Variants in FAM186A observed in about 807,000 individuals in gnomAD.
FAM186A encodes the protein protein FAM186A.
In FAM186A, 163 loss-of-function variants were observed where a neutral mutation model predicts 216.8. The observed-to-expected ratio is 0.75, with a 90% CI of 0.66 to 0.86. The LOEUF (loss-of-function observed/expected upper bound fraction) is 0.86. FAM186A is among the 40% of genes least tolerant of loss of function. The pLI is 0.00. For missense variants in FAM186A, 2,184 were observed against 2,746.2 expected, an observed-to-expected ratio of 0.80 and a Z score of 4.58; for synonymous variants, 805 against 1,025.3, an observed-to-expected ratio of 0.79 and a Z score of 4.10.
intron 4 of FAM186A, among the ~76,000 whole-genome samples, chr12:50,349,304 T>A (rs1942852191): frequency 6.6e-6 from 1 of 150,420 alleles, no homozygotes; most frequent in Non-Finnish European, 1.5e-5. Context: ...CTCAACCTCC[T>A]GGGGCTTGAG....
At position 50,354,485 on chromosome 12, in the gene FAM186A, T is replaced by G; in HGVS notation, c.2347A>C (p.Ser783Arg). Residue 783 changes from serine (S) to arginine (R), a missense_variant, in exon 4 of 8, where the codon AGC becomes CGC. Physicochemically the swap from Ser to Arg is moderately radical, Grantham distance 110 (BLOSUM62 -1). Around this residue, in one of 7 missense-constraint regions of FAM186A, gnomAD observed 1,132 missense variants for 1,263.4 expected, o/e 0.90. Coordinates refer to ENST00000327337, the MANE Select transcript of FAM186A (RefSeq NM_001145475.3). ...SESSTLLSYE[S>R]TDPVINNLIQ... The stretch of plus-strand genomic sequence containing the variant: ...AAATTGTTAATTACTGGATCTGTGC[T>G]CTCATATGAGAGGAGGGTACTGCTT... 6.4e-7 allele frequency: 1 copy of G among 1,551,670 alleles called. No individual in the cohort carries two copies. The highest frequency in any genetic ancestry group is 1.4e-5 in the African/African-American group (1 of 73,170).
intron 1 of FAM186A, among the ~76,000 whole-genome samples, chr12:50,368,899 T>C (rs1943115087): frequency 6.6e-6 from 1 of 151,398 alleles, no homozygotes; most frequent in African/African-American, 2.4e-5. Context: ...AGTATATTCA[T>C]AGCATAAGGT....
rs944154722 is a variant in FAM186A, at chr12:50,331,532, G to A, written c.6848+138C>T. On this transcript the variant is annotated intron_variant, in intron 6 of 7. Transcript: ENST00000327337. ...GCTGGGATTACAGGCATGAGCCACC[G>A]CGCCCAGCCTAATACTCCTTTAGAC... 16 of 788,976 alleles carry A rather than the reference G, an allele frequency of 2.0e-5. No homozygotes were observed. In the African/African-American group the frequency reaches 2.2e-4, roughly 11 times the overall value. The allele number at this position is 788,976 out of a possible 1,614,324, so 48.9% of individuals were successfully genotyped here. A position where few individuals can be genotyped will look rare whatever the true frequency, so the allele number is the denominator to read the frequency against.
intron 1 of FAM186A, among the ~76,000 whole-genome samples, chr12:50,389,336 A>G (rs930593775): frequency 2.6e-5 from 4 of 152,130 alleles, no homozygotes; most frequent in Non-Finnish European, 5.9e-5. Flanking sequence ...CCCCGTCTCT[A>G]CTAAAAATAC....
Position 50,367,595 on chromosome 12 carries a change from G to A in FAM186A, c.193-4231C>T, listed in dbSNP as rs184457749. Among the ~76,000 whole-genome samples the A allele has an allele frequency of 1.9e-3, 282 of 151,272 alleles. 1 individual carries two copies. Among genetic ancestry groups the A allele is most frequent in the African/African-American group, 6.4e-3 (265 of 41,238 alleles). ...AAAAGTAAAATTATCTCTGTTCATA[G>A]ATAACATGATCTTAAATTGTAGAAA... On this transcript the variant is annotated intron_variant, in intron 1 of 7. Transcript: ENST00000327337.
At chr12:50,373,267 C>T (rs1272302566) in intron 1 of FAM186A, among the ~76,000 whole-genome samples, 2 of 151,876 alleles carry the variant, frequency 1.3e-5, no homozygotes, top group South Asian at 2.1e-4. Flanking sequence ...TGTGGTGGCA[C>T]GCACCTGTAG....
rs1268314872 is a variant in FAM186A, at chr12:50,346,948, CA to C, written c.6503+3380del. Among the ~76,000 whole-genome samples, 10 of 137,168 alleles carry C rather than the reference CA, an allele frequency of 7.3e-5. No individual in the cohort carries two copies. The South Asian group carries it at 2.3e-3, about 32-fold the overall frequency. 90.0% of individuals were successfully genotyped at this position (137,168 alleles called of 152,430 possible). On this transcript the variant is annotated intron_variant, in intron 4 of 7. Transcript: ENST00000327337. ...CACACACACACACAAACCCGAACAA[CA>C]AAAAAAAGATGTATAATTGGCTTGG...
In FAM186A at chr12:50,330,380, C is replaced by T. The variant is rs949310229; in HGVS notation, c.7034+193G>A. Reference sequence around the variant, plus strand: ...ATTATTCAGTGGTGACATCTATAGGCCTATGATTAGAAACACTAACAGACT... The same window carrying T: ...ATTATTCAGTGGTGACATCTATAGGTCTATGATTAGAAACACTAACAGACT... On this transcript the variant is annotated intron_variant, in intron 7 of 7. Transcript: ENST00000327337. Among the ~76,000 whole-genome samples, 8 of 152,218 alleles carry T rather than the reference C, an allele frequency of 5.3e-5. No homozygotes were observed. The East Asian group carries it at 1.5e-3, about 29-fold the overall frequency.
intron 1 of FAM186A, among the ~76,000 whole-genome samples, chr12:50,381,863 G>A (rs1943256252): frequency 2.0e-5 from 3 of 152,076 alleles, no homozygotes; most frequent in African/African-American, 4.8e-5. Flanking sequence ...AAGGGGCTGA[G>A]GTGGGAGAAT....
Position 50,350,635 on chromosome 12 carries a change from T to C in FAM186A, c.6197A>G (p.Gln2066Arg). 1 of 1,551,684 alleles carries C rather than the reference T, an allele frequency of 6.4e-7. No individual in the cohort carries two copies. The highest frequency in any genetic ancestry group is 8.7e-7 in the Non-Finnish European group (1 of 1,146,986). Residue 2066 changes from glutamine (Q) to arginine (R), a missense_variant, in exon 4 of 8, where the codon CAG becomes CGG. By Grantham distance (43) the Gln-to-Arg change is conservative. Transcript: ENST00000327337. The stretch of plus-strand genomic sequence containing the variant: ...GTCTATAGGAGGGAATCGGGATTTC[T>C]GGTACCATTCCAAAGGTGAAATCTG... ...TSQISPLEWY[Q>R]KSRFPPIDKP...
chr12:50,356,036 C>G lies in FAM186A; in HGVS notation c.796G>C (p.Val266Leu). The change falls in exon 4 of 8, where the codon GTA (valine) becomes CTA (leucine). Residue 266 changes from valine (V) to leucine (L), a missense_variant. Val to Leu is a conservative substitution (Grantham distance 32). This residue lies in a region of FAM186A where 1,132 missense variants were observed against 1,263.4 expected (regional missense o/e 0.90). Coordinates refer to ENST00000327337, the MANE Select transcript of FAM186A (RefSeq NM_001145475.3). ...NAIKYISSTI[V>L]NLSTALSMLN... Reference sequence around the variant, plus strand: ...ATACTCAAAGCTGTAGAAAGGTTTACTATTGTTGATGATATATATTTAATA... The same window carrying G: ...ATACTCAAAGCTGTAGAAAGGTTTAGTATTGTTGATGATATATATTTAATA... 6.4e-7 allele frequency: 1 copy of G among 1,551,554 alleles called. No individual in the cohort carries two copies. Among genetic ancestry groups the G allele is most frequent in the Non-Finnish European group, 8.7e-7 (1 of 1,146,952 alleles).
Position 50,354,906 on chromosome 12 carries a change from T to G in FAM186A, c.1926A>C (p.Ser642=). Reference sequence around the variant, plus strand: ...AAGTCTCTTTAGCCACTCTTGAGAGTGATTTAACAAGTTGATGAGACTTGA... The same window carrying G: ...AAGTCTCTTTAGCCACTCTTGAGAGGGATTTAACAAGTTGATGAGACTTGA... The part of the protein sequence containing the change: ...KQVKSHQLVK[S]LSRVAKETSE... Residue 642 remains serine, a synonymous_variant, in exon 4 of 8, where the codon TCA becomes TCC. Coordinates refer to ENST00000327337, the MANE Select transcript of FAM186A (RefSeq NM_001145475.3). 5 of 1,550,502 alleles carry G rather than the reference T, an allele frequency of 3.2e-6. No individual in the cohort carries two copies. Among genetic ancestry groups the G allele is most frequent in the South Asian group, 1.2e-5 (1 of 83,782 alleles).
chr12:50,353,460 G>A lies in FAM186A; in HGVS notation c.3372C>T (p.Thr1124=). Residue 1124 remains threonine (T), a synonymous_variant, in exon 4 of 8, where the codon ACC becomes ACT. Coordinates refer to ENST00000327337, the MANE Select transcript of FAM186A (RefSeq NM_001145475.3). ...TCCCCAGGGCCTGCGCCTGCTGAGG[G>A]GTGAAAAGGATCTCCAGGGCCTGGG... ...QQAQALEILF[T]PQQAQALGIP... 6.5e-7 allele frequency: 1 copy of A among 1,528,306 alleles called. No individual in the cohort carries two copies. The highest frequency in any genetic ancestry group is 8.8e-7 in the Non-Finnish European group (1 of 1,136,234). 94.7% of individuals were successfully genotyped at this position (1,528,306 alleles called of 1,614,324 possible).
At chr12:50,329,843 G>C (rs35878271) in intron 7 of FAM186A, among the ~76,000 whole-genome samples, 1 of 151,882 alleles carries the variant, frequency 6.6e-6, no homozygotes, top group Non-Finnish European at 1.5e-5. Context: ...CGATCCACCC[G>C]CCTCGGCCTC....
In FAM186A at chr12:50,354,303, C is replaced by G. The variant is rs1474584189; in HGVS notation, c.2529G>C (p.Leu843Phe). Reference protein sequence around the residue: ...QMSGMSLKQQLLGERNLLKEH... With the variant: ...QMSGMSLKQQFLGERNLLKEH... ...CCTTCAAGAGATTTCTTTCTCCCAG[C>G]AACTGCTGTTTGAGACTCATGCCAG... The change falls in exon 4 of 8, where the codon TTG becomes TTC. Residue 843 changes from leucine to phenylalanine, a missense_variant. This residue lies in a region of FAM186A where 1,132 missense variants were observed against 1,263.4 expected (regional missense o/e 0.90). Coordinates refer to ENST00000327337, the MANE Select transcript of FAM186A (RefSeq NM_001145475.3). 1 of 1,551,714 alleles carries G rather than the reference C, an allele frequency of 6.4e-7. No individual in the cohort carries two copies. Among genetic ancestry groups the G allele is most frequent in the South Asian group, 1.2e-5 (1 of 84,060 alleles).
intron 4 of FAM186A, among the ~76,000 whole-genome samples, chr12:50,339,038 A>G (rs1942737566): frequency 1.3e-5 from 2 of 151,648 alleles, no homozygotes; most frequent in Non-Finnish European, 2.9e-5. Flanking sequence ...TTTTTGAGAC[A>G]GGGTCTCACT....
intron 1 of FAM186A, among the ~76,000 whole-genome samples, chr12:50,368,230 C>T (rs1468876722): frequency 6.6e-6 from 1 of 151,266 alleles, no homozygotes; most frequent in Admixed American, 6.6e-5. Flanking sequence ...GGTGAAACCC[C>T]ATCTTTACTA....
intron 4 of FAM186A, among the ~76,000 whole-genome samples, chr12:50,338,379 T>C (rs1287452982): frequency 6.6e-6 from 1 of 152,148 alleles, no homozygotes; most frequent in Non-Finnish European, 1.5e-5. Context: ...TTTTGTATTT[T>C]TAGCAGAGAC....
In FAM186A at chr12:50,351,767, C is replaced by A; in HGVS notation, c.5065G>T (p.Val1689Phe). 10 of 1,550,950 alleles carry A rather than the reference C, an allele frequency of 6.4e-6. No homozygotes were observed. In the South Asian group the frequency reaches 8.3e-5, roughly 13 times the overall value. ...QAQEQLLKLG[V>F]PLTLDKAHTL... ...TGGGCTTTATCTAAGGTGAGAGGAA[C>A]CCCTAACTTCAATAACTGTTCTTGA... Residue 1689 changes from valine to phenylalanine, a missense_variant, in exon 4 of 8, where the codon GTT (valine) becomes TTT (phenylalanine). Around this residue, in one of 7 missense-constraint regions of FAM186A, gnomAD observed 721 missense variants for 816.4 expected, o/e 0.88. Coordinates refer to ENST00000327337, the MANE Select transcript of FAM186A (RefSeq NM_001145475.3).
Sources: gnomAD v4.1 joint callset for allele counts (sites outside exome capture counted in the v4.1 genomes callset) on GRCh38, gnomAD v4.1.1 for gene constraint, gnomAD v4.1.1 regional missense constraint, MANE v1.5 for transcripts, NCBI Gene and HGNC (gene_info 2026-07-23, HGNC 2026-07-21) for gene names.